MGMT: variants seen among roughly 807,000 people sequenced by gnomAD.
MGMT encodes methylated-DNA--protein-cysteine methyltransferase.
MGMT carries 14 observed loss-of-function variants against 15.9 expected under a neutral mutation model. That is an observed-to-expected ratio of 0.88 (90% confidence interval 0.58 to 1.37). The LOEUF (loss-of-function observed/expected upper bound fraction) is 1.37, where lower values mean the gene tolerates loss of function less well. Ranked by LOEUF, MGMT falls within the 40% of genes most tolerant of loss-of-function variation. MGMT has a pLI of 0.00. For missense variants in MGMT, 282 were observed against 268.1 expected (o/e 1.05, Z -0.36); for synonymous variants, 130 against 118.2 (o/e 1.10, Z -0.65).
At chr10:129,737,579 T>C (rs1848578653) in intron 3 of MGMT, among the ~76,000 whole-genome samples, 1 of 152,238 alleles carries the variant, frequency 6.6e-6, no homozygotes, top group Admixed American at 6.5e-5. Context: ...CCATCCAGCT[T>C]TGTTCCGTTG....
chr10:129,648,588 T>A (rs1847422186), intron 2 of MGMT, among the ~76,000 whole-genome samples: 1 of 152,248 alleles, frequency 6.6e-6, no homozygotes, highest in African/African-American at 2.4e-5. Flanking sequence ...ATTTTTCTCT[T>A]CAGTAGTTCA....
intron 2 of MGMT, among the ~76,000 whole-genome samples, chr10:129,568,686 T>A (rs1846383083): frequency 6.6e-6 from 1 of 152,218 alleles, no homozygotes; most frequent in Admixed American, 6.5e-5. Context: ...ATGATTTCAT[T>A]GAGTTCCTCC....
chr10:129,766,835 C>T lies in MGMT; in HGVS notation c.462C>T (p.Ala154=), dbSNP rs767467749. The T allele has an allele frequency of 9.9e-6, 16 of 1,613,508 alleles. No individual in the cohort carries two copies. The highest frequency in any genetic ancestry group is 2.7e-5 in the African/African-American group (2 of 74,940). The stretch of plus-strand genomic sequence containing the variant: ...ACAGAGTGGTCTGCAGCAGCGGAGC[C>T]GTGGGCAACTACTCCGGAGGACTGG... The part of the protein sequence containing the change: ...PCHRVVCSSG[A]VGNYSGGLAV... Residue 154 remains alanine (A), a synonymous_variant, in exon 5 of 5, where the codon GCC becomes GCT. Coordinates refer to ENST00000651593, the MANE Select transcript of MGMT (RefSeq NM_002412.5).
chr10:129,567,538 G>A (rs191889317), intron 2 of MGMT, among the ~76,000 whole-genome samples: 81 of 152,250 alleles, frequency 5.3e-4, no homozygotes, highest in African/African-American at 1.8e-3. Context: ...CCAACAGTAG[G>A]TTGAAAATCC....
chr10:129,643,549 C>T (rs1038844131), intron 2 of MGMT, among the ~76,000 whole-genome samples: 1 of 152,124 alleles, frequency 6.6e-6, no homozygotes, highest in Non-Finnish European at 1.5e-5. Context: ...CTTCTTCAGG[C>T]TCTTTCCAGC....
At chr10:129,492,987 C>G (rs1845484573) in intron 1 of MGMT, among the ~76,000 whole-genome samples, 1 of 152,204 alleles carries the variant, frequency 6.6e-6, no homozygotes, top group Non-Finnish European at 1.5e-5. Flanking sequence ...ATTTCGTATT[C>G]TACACAGGTT....
Position 129,707,905 on chromosome 10 carries a change from G to A in MGMT, c.136G>A (p.Val46Ile), listed in dbSNP as rs1343221139. Residue 46 changes from valine to isoleucine, a missense_variant, in exon 3 of 5, where the codon GTC (valine) becomes ATC (isoleucine). Coordinates refer to ENST00000651593, the MANE Select transcript of MGMT (RefSeq NM_002412.5). ...KGTSAADAVE[V>I]PAPAAVLGGP... is the part of the protein sequence containing the mutation. The stretch of plus-strand genomic sequence containing the variant: ...TTCTCACTTTTGCAGTGCCGTGGAG[G>A]TCCCAGCCCCCGCTGCGGTTCTCGG... 1.9e-6 allele frequency: 3 copies of A among 1,611,326 alleles called. No homozygotes were observed. Among genetic ancestry groups the A allele is most frequent in the Admixed American group, 1.7e-5 (1 of 59,948 alleles).
intron 1 of MGMT, among the ~76,000 whole-genome samples, chr10:129,475,031 G>C (rs1303380429): frequency 6.6e-6 from 1 of 152,126 alleles, no homozygotes; most frequent in Non-Finnish European, 1.5e-5. Context: ...CTTGGTAAGT[G>C]GTTGAAGATG....
At chr10:129,638,429 CAAAAAA>C in intron 2 of MGMT, among the ~76,000 whole-genome samples, 4,372 of 61,870 alleles carry the variant, frequency 0.071, 240 homozygotes, top group African/African-American at 0.18. Flanking sequence ...ACCAAAGAGG[CAAAAAA>C]AAAAAAAAAA....
chr10:129,583,851 T>C (rs1846586425), intron 2 of MGMT, among the ~76,000 whole-genome samples: 1 of 151,874 alleles, frequency 6.6e-6, no homozygotes, highest in Non-Finnish European at 1.5e-5. Context: ...GACTTTCGTT[T>C]TGTTTTTTTT....
At chr10:129,560,111 G>A (rs1209146650) in intron 2 of MGMT, among the ~76,000 whole-genome samples, 1 of 152,232 alleles carries the variant, frequency 6.6e-6, no homozygotes, top group African/African-American at 2.4e-5. Flanking sequence ...TGTGAAAAAG[G>A]TGCCTTCATT....
chr10:129,569,105 G>C (rs1481387109), intron 2 of MGMT, among the ~76,000 whole-genome samples: 1 of 152,160 alleles, frequency 6.6e-6, no homozygotes, highest in Non-Finnish European at 1.5e-5. Flanking sequence ...ACTCCGGCTC[G>C]GCCACTTACG....
At chr10:129,508,902 G>C (rs1341185867) in intron 1 of MGMT, among the ~76,000 whole-genome samples, 1 of 151,876 alleles carries the variant, frequency 6.6e-6, no homozygotes, top group African/African-American at 2.4e-5. Context: ...TTGCTTACTT[G>C]GTTGAAAAAA....
At chr10:129,645,210 C>T (rs888481786) in intron 2 of MGMT, among the ~76,000 whole-genome samples, 2 of 150,942 alleles carry the variant, frequency 1.3e-5, no homozygotes, top group Non-Finnish European at 2.9e-5. Flanking sequence ...ACCTCCGCCT[C>T]CTGGGTTCAA....
intron 3 of MGMT, among the ~76,000 whole-genome samples, chr10:129,733,991 T>C (rs1057392308): frequency 1.1e-4 from 16 of 150,994 alleles, no homozygotes; most frequent in South Asian, 2.1e-4. Flanking sequence ...AGTCAGGTAG[T>C]GTGATGCCTC....
chr10:129,619,985 T>C (rs905846209), intron 2 of MGMT, among the ~76,000 whole-genome samples: 1 of 152,216 alleles, frequency 6.6e-6, no homozygotes, highest in Admixed American at 6.5e-5. Flanking sequence ...TGGGTCCCAC[T>C]GAAGAAAAGC....
chr10:129,651,331 T>A (rs1003733649), intron 2 of MGMT, among the ~76,000 whole-genome samples: 6 of 152,088 alleles, frequency 3.9e-5, no homozygotes, highest in African/African-American at 1.4e-4. Flanking sequence ...TGGTCCCAGG[T>A]GACTAATAAG....
At chr10:129,617,392 C>T (rs564392031) in intron 2 of MGMT, among the ~76,000 whole-genome samples, 19 of 152,132 alleles carry the variant, frequency 1.2e-4, no homozygotes, top group African/African-American at 4.1e-4. Flanking sequence ...AGTGAATATA[C>T]GCGTGCATGT....
At chr10:129,519,793 A>G (rs1845783951) in intron 1 of MGMT, among the ~76,000 whole-genome samples, 1 of 152,040 alleles carries the variant, frequency 6.6e-6, no homozygotes. Context: ...ATGGGTGTTG[A>G]CTGGTGGCCG....
Sources: allele counts gnomAD v4.1 joint callset (sites outside exome capture counted in the v4.1 genomes callset), GRCh38; gene constraint gnomAD v4.1.1; transcripts MANE v1.5; gene names NCBI Gene and HGNC (gene_info 2026-07-23, HGNC 2026-07-21).